Variants in ATP6V0A2 observed in about 807,000 individuals in gnomAD.
ATP6V0A2 encodes the protein V-type proton ATPase 116 kDa subunit a 2.
ATP6V0A2 carries 58 observed loss-of-function variants against 104.4 expected under a neutral mutation model. The ratio of observed to expected loss-of-function variants is 0.56; its 90% confidence interval spans 0.45 to 0.69. ATP6V0A2 has a LOEUF of 0.69. Ranked by LOEUF, ATP6V0A2 falls within the 30% of genes least tolerant of loss-of-function variation. The probability of loss-of-function intolerance (pLI) is 0.00; values close to 1 mark genes in which losing one functional copy is unlikely to be tolerated. For missense variants in ATP6V0A2, 938 were observed against 1,062.9 expected (o/e 0.88, Z 1.63); for synonymous variants, 376 against 397.9 (o/e 0.95, Z 0.65).
At chr12:123,725,941 A>G (rs1298758808) in intron 4 of ATP6V0A2, among the ~76,000 whole-genome samples, 1 of 152,216 alleles carries the variant, frequency 6.6e-6, no homozygotes, top group East Asian at 1.9e-4. Context: ...AAGTTACTCT[A>G]TCTTGGATGA....
chr12:123,743,242 G>A (rs925029216), intron 9 of ATP6V0A2, among the ~76,000 whole-genome samples: 1 of 152,076 alleles, frequency 6.6e-6, no homozygotes, highest in Non-Finnish European at 1.5e-5. Flanking sequence ...CCCAAGTGCC[G>A]CCCTTGCCAC....
chr12:123,743,794 G>A lies in ATP6V0A2; in HGVS notation c.1048G>A (p.Gly350Ser), dbSNP rs768141782. 8.2e-5 allele frequency: 133 copies of A among 1,613,964 alleles called. No individual in the cohort carries two copies. Among genetic ancestry groups the A allele is most frequent in the Non-Finnish European group, 1.0e-4 (120 of 1,179,994 alleles). Residue 350 changes from glycine to serine, a missense_variant, in exon 10 of 20, where the codon GGT (glycine) becomes AGT (serine). Physicochemically the swap from Gly to Ser is moderately conservative, Grantham distance 56 (BLOSUM62 0). Transcript: ENST00000330342. ...CTTGTTTATGTGGAAGAGAGAGAGT[G>A]GTGCTACAATCCCCTCATTCATGAA... ...RALEEGSRES[G>S]ATIPSFMNII...
chr12:123,714,154 T>C (rs1434032140), intron 1 of ATP6V0A2, among the ~76,000 whole-genome samples: 1 of 152,232 alleles, frequency 6.6e-6, no homozygotes, highest in African/African-American at 2.4e-5. Context: ...CTTATCACAC[T>C]TCAGTCTTAC....
chr12:123,714,927 A>G (rs2135874020), intron 1 of ATP6V0A2, among the ~76,000 whole-genome samples: 1 of 152,314 alleles, frequency 6.6e-6, no homozygotes, highest in Non-Finnish European at 1.5e-5. Flanking sequence ...TAAAAATACA[A>G]AAATTAGCTG....
At chr12:123,716,068 TTTC>T (rs1956336041) in intron 1 of ATP6V0A2, among the ~76,000 whole-genome samples, 2 of 151,960 alleles carry the variant, frequency 1.3e-5, no homozygotes, top group African/African-American at 4.8e-5. Context: ...ATGAATTTTT[TTTC>T]TTTTTTTTTT....
intron 4 of ATP6V0A2, among the ~76,000 whole-genome samples, chr12:123,725,793 TAAA>T (rs34221363): frequency 5.1e-5 from 6 of 117,868 alleles, no homozygotes; most frequent in Admixed American, 8.8e-5. Flanking sequence ...ACCCTGTATC[TAAA>T]AAAAAAAAAA....
At chr12:123,734,134 C>A in intron 7 of ATP6V0A2, 126 bp downstream of exon 7, 1 of 699,420 alleles carries the variant, frequency 1.4e-6, no homozygotes, top group Non-Finnish European at 2.5e-6. Flanking sequence ...TTCTTTGCTG[C>A]ACTGCCAAGT....
chr12:123,747,813 G>T, intron 14 of ATP6V0A2, 88 bp downstream of exon 14: 1 of 828,150 alleles, frequency 1.2e-6, no homozygotes, highest in South Asian at 1.4e-5. Context: ...TGTATTTATT[G>T]GGTAAGGGGC....
chr12:123,744,660 A>C lies in ATP6V0A2; in HGVS notation c.1390A>C (p.Thr464Pro). 1 of 1,613,888 alleles carries C rather than the reference A, an allele frequency of 6.2e-7. No individual in the cohort carries two copies. Among genetic ancestry groups the C allele is most frequent in the Non-Finnish European group, 8.5e-7 (1 of 1,179,994 alleles). Residue 464 changes from threonine to proline, a missense_variant, in exon 12 of 20, where the codon ACT becomes CCT. Thr to Pro is a conservative substitution (Grantham distance 38). Transcript: ENST00000330342. The surrounding 1 kb of genome is among the most constrained non-coding windows in gnomAD (Gnocchi z 5.4). ...LLLMGLFSVY[T>P]GLIYNDCFSK... Reference sequence around the variant, plus strand: ...GCTGATGGGGCTGTTCTCAGTGTACACTGGCCTCATCTACAACGACTGCTT... The same window carrying C: ...GCTGATGGGGCTGTTCTCAGTGTACCCTGGCCTCATCTACAACGACTGCTT...
At chr12:123,754,566 C>A in intron 18 of ATP6V0A2, 29 bp downstream of exon 18, 1 of 1,512,542 alleles carries the variant, frequency 6.6e-7, no homozygotes, top group Non-Finnish European at 9.2e-7. Flanking sequence ...CTGCAGTTCC[C>A]AATGCCCTGT....
chr12:123,723,012 G>A (rs1448404305), intron 3 of ATP6V0A2, among the ~76,000 whole-genome samples: 2 of 152,194 alleles, frequency 1.3e-5, no homozygotes, highest in Admixed American at 6.5e-5. Flanking sequence ...ACACTCACCT[G>A]TGCTGCTTAT....
At position 123,752,422 on chromosome 12, in the gene ATP6V0A2, A is replaced by G. The variant is rs747300823; in HGVS notation, c.2175+20A>G. On this transcript the variant is annotated intron_variant, in intron 17 of 19. Coordinates refer to ENST00000330342, the MANE Select transcript of ATP6V0A2 (RefSeq NM_012463.4). ...GAAGAGGTAAATCTTTTCAACTGCT[A>G]TTGATAAACTTAGATAAGTAACCAA... is the stretch of plus-strand genomic sequence containing the variant. 2.5e-6 allele frequency: 4 copies of G among 1,613,446 alleles called. No individual in the cohort carries two copies. The highest frequency in any genetic ancestry group is 2.2e-5 in the South Asian group (2 of 91,074).
At chr12:123,734,750 G>A (rs1956534618) in intron 7 of ATP6V0A2, among the ~76,000 whole-genome samples, 1 of 152,172 alleles carries the variant, frequency 6.6e-6, no homozygotes, top group African/African-American at 2.4e-5. Context: ...GTGGAGGGGG[G>A]TTTGGGCATT....
chr12:123,730,672 A>AT (rs1293682464), intron 6 of ATP6V0A2: 2 of 152,196 alleles, frequency 1.3e-5, no homozygotes, highest in Non-Finnish European at 2.9e-5. Flanking sequence ...TAGCATTTAC[A>AT]TATTTTTTGA....
At chr12:123,726,550 C>G (rs966690028) in intron 5 of ATP6V0A2, among the ~76,000 whole-genome samples, 1 of 152,186 alleles carries the variant, frequency 6.6e-6, no homozygotes, top group African/African-American at 2.4e-5. Context: ...AGTGTTACTT[C>G]TATAAGCCTA....
In ATP6V0A2 at chr12:123,754,411, C is replaced by G; in HGVS notation, c.2176-9C>G. 6.3e-7 allele frequency: 1 copy of G among 1,576,320 alleles called. No homozygotes were observed. The highest frequency in any genetic ancestry group is 8.7e-7 in the Non-Finnish European group (1 of 1,145,410). ...TGACTCTTAACATATGTTGTGTGAT[C>G]TCTCTCAGTTTAATTTTGGAGAAAT... On this transcript the variant is annotated splice_polypyrimidine_tract_variant and intron_variant, in intron 17 of 19. Transcript: ENST00000330342.
chr12:123,712,515 C>G lies in ATP6V0A2; in HGVS notation c.-51C>G, dbSNP rs1593877852. 3.5e-6 allele frequency: 5 copies of G among 1,418,416 alleles called. No individual in the cohort carries two copies. In the East Asian group the frequency reaches 1.3e-4, roughly 37 times the overall value. The allele number at this position is 1,418,416 out of a possible 1,614,324, so 87.9% of individuals were successfully genotyped here. On this transcript the variant is annotated 5_prime_UTR_variant, in exon 1 of 20. Coordinates refer to ENST00000330342, the MANE Select transcript of ATP6V0A2 (RefSeq NM_012463.4). ...CGGCTGAGTGTGCGGGCCCGCGCGG[C>G]TCGGAGCCGCCGCCGCCCATCGAGC... is the stretch of plus-strand genomic sequence containing the variant.
At position 123,726,288 on chromosome 12, in the gene ATP6V0A2, A is replaced by G; in HGVS notation, c.521+3A>G. On this transcript the variant is annotated splice_donor_region_variant and intron_variant, in intron 5 of 19. Coordinates refer to ENST00000330342, the MANE Select transcript of ATP6V0A2 (RefSeq NM_012463.4). ...CAGAGGCTGGGAGCAAAACTGGGGT[A>G]GGTGACAAGGCCTGGGGTGTCAGGC... is the stretch of plus-strand genomic sequence containing the variant. 6.2e-7 allele frequency: 1 copy of G among 1,610,754 alleles called. No homozygotes were observed. The highest frequency in any genetic ancestry group is 1.1e-5 in the South Asian group (1 of 91,036).
chr12:123,748,629 C>G lies in ATP6V0A2; in HGVS notation c.1779C>G (p.Phe593Leu). The change falls in exon 15 of 20, where the codon TTC becomes TTG. Residue 593 changes from phenylalanine (F) to leucine (L), a missense_variant. Physicochemically the swap from Phe to Leu is conservative, Grantham distance 22. Transcript: ENST00000330342. The stretch of plus-strand genomic sequence containing the variant: ...TGGTTTCCATCCCGGAACTTCTCTT[C>G]ATGCTCTGTATCTTTGGATACCTTA... The part of the protein sequence containing the change: ...IYLVSIPELL[F>L]MLCIFGYLIF... 1.2e-6 allele frequency: 2 copies of G among 1,614,170 alleles called. No individual in the cohort carries two copies. Among genetic ancestry groups the G allele is most frequent in the Non-Finnish European group, 1.7e-6 (2 of 1,180,002 alleles).
Sources: allele counts gnomAD v4.1 joint callset (sites outside exome capture counted in the v4.1 genomes callset), GRCh38; gene constraint gnomAD v4.1.1; non-coding constraint Gnocchi (gnomAD v3.1); transcripts MANE v1.5; gene names NCBI Gene and HGNC (gene_info 2026-07-23, HGNC 2026-07-21).